Variants in MDFIC observed in about 807,000 individuals in gnomAD.
MDFIC encodes the protein myoD family inhibitor domain-containing protein.
MDFIC carries 17 observed loss-of-function variants against 23.2 expected under a neutral mutation model. The observed-to-expected ratio is 0.73, with a 90% confidence interval of 0.50 to 1.10. The LOEUF is 1.10. Ranked by LOEUF, MDFIC falls within the 50% of genes least tolerant of loss-of-function variation. The pLI, the probability that MDFIC is intolerant of heterozygous loss-of-function variation, is 0.00. For missense variants in MDFIC, 356 were observed against 316.6 expected, an observed-to-expected ratio of 1.12 and a Z score of -0.95; for synonymous variants, 120 against 115.2, an observed-to-expected ratio of 1.04 and a Z score of -0.27.
intron 4 of MDFIC, among the ~76,000 whole-genome samples, chr7:114,980,707 A>C (rs547588514): frequency 1.3e-5 from 2 of 152,332 alleles, no homozygotes; most frequent in South Asian, 2.1e-4. Context: ...TGATATACAT[A>C]TATTTCTCCT....
intron 2 of MDFIC, among the ~76,000 whole-genome samples, chr7:114,928,569 A>G (rs936933670): frequency 1.3e-5 from 2 of 152,192 alleles, no homozygotes; most frequent in African/African-American, 4.8e-5. Context: ...ATTACAGAAT[A>G]TTGGGTACTT....
intron 3 of MDFIC, among the ~76,000 whole-genome samples, chr7:114,973,782 G>A (rs1793254761): frequency 1.3e-5 from 2 of 152,130 alleles, no homozygotes; most frequent in South Asian, 2.1e-4. Context: ...TCTGTAAGAT[G>A]TGATATAATC....
intron 4 of MDFIC, among the ~76,000 whole-genome samples, chr7:115,008,134 A>T (rs1791609177): frequency 6.6e-6 from 1 of 152,102 alleles, no homozygotes; most frequent in African/African-American, 2.4e-5. Context: ...ACCACAGATC[A>T]GGCAATGGGG....
chr7:114,971,943 A>T (rs1793213238), intron 3 of MDFIC, among the ~76,000 whole-genome samples: 1 of 152,202 alleles, frequency 6.6e-6, no homozygotes, highest in Admixed American at 6.5e-5. Flanking sequence ...TTACAGAAAA[A>T]AAAAGTTAAT....
At chr7:114,923,641 C>A in intron 2 of MDFIC, 3 of 1,438,518 alleles carry the variant, frequency 2.1e-6, no homozygotes, top group South Asian at 3.0e-5. Flanking sequence ...AATAAATAAA[C>A]AAGGTTTATA....
intron 3 of MDFIC, among the ~76,000 whole-genome samples, chr7:114,944,326 G>A (rs999610070): frequency 6.6e-6 from 1 of 152,154 alleles, no homozygotes; most frequent in African/African-American, 2.4e-5. Context: ...TGCCACTCCT[G>A]CCTGAAACAT....
chr7:114,983,588 G>A (rs1333177709), intron 4 of MDFIC, among the ~76,000 whole-genome samples: 1 of 73,506 alleles, frequency 1.4e-5, no homozygotes, highest in Admixed American at 1.6e-4. Context: ...TTTTTTTTGA[G>A]GTCGTGTCTC....
chr7:114,980,279 G>T (rs549104633), intron 4 of MDFIC, among the ~76,000 whole-genome samples: 1 of 152,250 alleles, frequency 6.6e-6, no homozygotes, highest in South Asian at 2.1e-4. Flanking sequence ...TTGCTTGACT[G>T]ACCAGCATCT....
rs141210344 is a variant in MDFIC at position 114,999,722 on chromosome 7, T to A, written c.494-15966T>A. 4.5e-3 allele frequency among the ~76,000 whole-genome samples: 691 copies of A among 152,082 alleles called. 5 individuals are homozygous for A. Among genetic ancestry groups the A allele is most frequent in the Middle Eastern group, 0.017 (5 of 294 alleles). ...TTAAGTTGAATATACCAGGAAGGTA[T>A]TAGGAAGATTCACTTATGAACCTCC... On this transcript the variant is annotated intron_variant, in intron 4 of 4. Transcript: ENST00000393486.
At chr7:114,979,322 C>T (rs1793373561) in intron 3 of MDFIC, among the ~76,000 whole-genome samples, 184 bp from the exon 4 acceptor site, 1 of 152,046 alleles carries the variant, frequency 6.6e-6, no homozygotes, top group Admixed American at 6.6e-5. Flanking sequence ...TCCCATTTTC[C>T]ATTTTAGTAA....
chr7:114,984,249 A>G (rs1030436858), intron 4 of MDFIC, among the ~76,000 whole-genome samples: 1 of 152,140 alleles, frequency 6.6e-6, no homozygotes, highest in Admixed American at 6.5e-5. Flanking sequence ...TTTAAAAACA[A>G]CTCTCACACC....
At chr7:114,968,007 G>A (rs1193873524) in intron 3 of MDFIC, among the ~76,000 whole-genome samples, 6 of 151,816 alleles carry the variant, frequency 4.0e-5, no homozygotes, top group African/African-American at 1.5e-4. Flanking sequence ...TTAAAAGACA[G>A]GGTCTCACTA....
chr7:114,928,304 T>C (rs1792235168), intron 2 of MDFIC, among the ~76,000 whole-genome samples: 1 of 151,332 alleles, frequency 6.6e-6, no homozygotes, highest in African/African-American at 2.4e-5. Context: ...GTTTAAGAAC[T>C]GTGAAAAAAA....
chr7:114,942,229 A>C (rs1432748856), intron 2 of MDFIC, 46 bp from the exon 3 acceptor site: 3 of 1,221,456 alleles, frequency 2.5e-6, no homozygotes, highest in Middle Eastern at 2.3e-4. Context: ...AAAGGAGAGA[A>C]AAATATATAA....
Position 114,922,257 on chromosome 7 carries a change from A to C in MDFIC, c.-487A>C, listed in dbSNP as rs970939354. 2 of 645,308 alleles carry C rather than the reference A, an allele frequency of 3.1e-6. No individual in the cohort carries two copies. Among genetic ancestry groups the C allele is most frequent in the Non-Finnish European group, 4.4e-6 (2 of 453,068 alleles). 40.0% of individuals were successfully genotyped at this position (645,308 alleles called of 1,614,324 possible). On this transcript the variant is annotated 5_prime_UTR_variant, in exon 1 of 5. Coordinates refer to ENST00000393486, the MANE Select transcript of MDFIC (RefSeq NM_001166345.3). ...CCCAGCATCGGGGCCGCTAGCCAAG[A>C]GTTCGAGGCCTTCCCGATCCGGATG... is the stretch of plus-strand genomic sequence containing the variant.
intron 3 of MDFIC, among the ~76,000 whole-genome samples, chr7:114,966,054 A>G (rs1793088700): frequency 6.6e-6 from 1 of 152,312 alleles, no homozygotes; most frequent in African/African-American, 2.4e-5. Context: ...AGATTTTTTT[A>G]AAGTTACTTT....
At chr7:115,013,809 C>A (rs565356203) in intron 4 of MDFIC, among the ~76,000 whole-genome samples, 1 of 152,174 alleles carries the variant, frequency 6.6e-6, no homozygotes, top group African/African-American at 2.4e-5. Context: ...AGAGGGAAAC[C>A]ACGGACACTG....
intron 3 of MDFIC, among the ~76,000 whole-genome samples, chr7:114,962,076 C>G (rs1328729294): frequency 6.6e-6 from 1 of 152,122 alleles, no homozygotes; most frequent in Admixed American, 6.5e-5. Flanking sequence ...TACATAGATT[C>G]TTTCCAGATT....
chr7:115,005,577 T>C (rs182189644), intron 4 of MDFIC, among the ~76,000 whole-genome samples: 1 of 152,332 alleles, frequency 6.6e-6, no homozygotes, highest in African/African-American at 2.4e-5. Context: ...GTTTTAATTT[T>C]ACCTTATTTT....
Sources: allele counts gnomAD v4.1 joint callset (sites outside exome capture counted in the v4.1 genomes callset), GRCh38; gene constraint gnomAD v4.1.1; transcripts MANE v1.5; gene names NCBI Gene and HGNC (gene_info 2026-07-23, HGNC 2026-07-21).